The following DENND1C variants were observed in gnomAD, a reference collection of about 807,000 sequenced individuals.
DENND1C encodes the protein DENN domain containing 1C.
DENND1C carries 64 observed loss-of-function variants against 87.9 expected under a neutral mutation model. The ratio of observed to expected loss-of-function variants is 0.73; its 90% CI spans 0.60 to 0.90. The LOEUF (loss-of-function observed/expected upper bound fraction) is 0.90. DENND1C is among the 40% of genes least tolerant of loss of function. The pLI, the probability that DENND1C is intolerant of heterozygous loss-of-function variation, is 0.00. For synonymous variants in DENND1C, 384 were observed against 424.4 expected, an observed-to-expected ratio of 0.90 and a Z score of 1.17; for missense variants, 980 against 1,037.0, an observed-to-expected ratio of 0.95 and a Z score of 0.76.
At position 6,477,103 on chromosome 19, in the gene DENND1C, A is replaced by C; in HGVS notation, c.538T>G (p.Ser180Ala). The change falls in exon 9 of 23, where the codon TCC (serine) becomes GCC (alanine). Residue 180 changes from serine to alanine, a missense_variant. Ser to Ala is a moderately conservative substitution (Grantham distance 99). Transcript: ENST00000381480. The stretch of plus-strand genomic sequence containing the variant: ...TCAGGGATGGATGGCAGGCGGCCGG[A>C]GTCCGGGGCCACGAAGCAGGAAAGC... ...KPLSCFVAPDSGRLPSIPENR... is the reference protein window; with the variant it reads ...KPLSCFVAPDAGRLPSIPENR... 1.2e-6 allele frequency: 2 copies of C among 1,605,654 alleles called. No individual in the cohort carries two copies. The highest frequency in any genetic ancestry group is 1.7e-6 in the Non-Finnish European group (2 of 1,175,958).
Position 6,477,210 on chromosome 19 carries a change from C to G in DENND1C, c.513+8G>C. 2.5e-6 allele frequency: 4 copies of G among 1,588,656 alleles called. No individual in the cohort carries two copies. The highest frequency in any genetic ancestry group is 3.4e-6 in the Non-Finnish European group (4 of 1,167,886). On this transcript the variant is annotated splice_region_variant and intron_variant, in intron 8 of 22. Transcript: ENST00000381480. ...CCCGACCTTCCAGGGTCCCCGAGCC[C>G]CGCTCACCGGCTTGCTATTCCCCCG...
intron 12 of DENND1C, 36 bp from the exon 13 acceptor site, chr19:6,475,621 G>T: frequency 6.2e-7 from 1 of 1,613,884 alleles, no homozygotes; most frequent in East Asian, 2.2e-5. Flanking sequence ...CAGAGCCCGG[G>T]AGTCCTTGGC....
At chr19:6,481,392 G>C (rs1913555678) in intron 1 of DENND1C, among the ~76,000 whole-genome samples, 1 of 151,794 alleles carries the variant, frequency 6.6e-6, no homozygotes, top group South Asian at 2.1e-4. Context: ...CCATCACTCA[G>C]ACATACCAAG....
rs1337190200 is a variant in DENND1C at position 6,471,502 on chromosome 19, G to T, written c.1159-6C>A. ...TCCAGCCGGGCTTCGATGAACTGGG[G>T]TGGGGGACAGTAAATCAGAAACAGC... On this transcript the variant is annotated splice_region_variant and splice_polypyrimidine_tract_variant and intron_variant, in intron 15 of 22. Coordinates refer to ENST00000381480, the MANE Select transcript of DENND1C (RefSeq NM_024898.4). The T allele has an allele frequency of 1.3e-6, 2 of 1,542,154 alleles. No homozygotes were observed. The highest frequency in any genetic ancestry group is 1.4e-5 in the African/African-American group (1 of 72,914).
Position 6,467,848 on chromosome 19 carries a change from T to C in DENND1C, c.2062A>G (p.Lys688Glu). ...PLILHLTPSH[K>E]AAEDSTAQEN... Reference sequence around the variant, plus strand: ...TGGGCTGTAGAATCTTCAGCTGCCTTGTGGGAAGGGGTGAGATGAAGAATT... The same window carrying C: ...TGGGCTGTAGAATCTTCAGCTGCCTCGTGGGAAGGGGTGAGATGAAGAATT... The change falls in exon 23 of 23, where the codon AAG (lysine) becomes GAG (glutamate). Residue 688 changes from lysine to glutamate, a missense_variant. Coordinates refer to ENST00000381480, the MANE Select transcript of DENND1C (RefSeq NM_024898.4). The C allele has an allele frequency of 6.3e-7, 1 of 1,587,198 alleles. No individual in the cohort carries two copies. Among genetic ancestry groups the C allele is most frequent in the Non-Finnish European group, 8.6e-7 (1 of 1,166,436 alleles).
In DENND1C at chr19:6,480,610, CT is replaced by C. The variant is rs533638625; in HGVS notation, c.18-560del. ...TCTATCTATCTATCTATCTATCTAT[CT>C]ATCTATTTTTTTGAGATGGAGTTTT... is the stretch of plus-strand genomic sequence containing the variant. On this transcript the variant is annotated intron_variant, in intron 1 of 22. Coordinates refer to ENST00000381480, the MANE Select transcript of DENND1C (RefSeq NM_024898.4). The C allele has an allele frequency of 1.3e-5, 4 of 310,986 alleles. No homozygotes were observed. The African/African-American group carries it at 1.3e-4, about 10-fold the overall frequency. 19.3% of individuals were successfully genotyped at this position (310,986 alleles called of 1,614,324 possible).
Position 6,468,403 on chromosome 19 carries a change from C to A in DENND1C, c.1622G>T (p.Trp541Leu). 9 of 1,613,724 alleles carry A rather than the reference C, an allele frequency of 5.6e-6. No homozygotes were observed. The highest frequency in any genetic ancestry group is 7.6e-6 in the Non-Finnish European group (9 of 1,179,808). The change falls in exon 22 of 23, where the codon TGG becomes TTG. Residue 541 changes from tryptophan to leucine, a missense_variant. Coordinates refer to ENST00000381480, the MANE Select transcript of DENND1C (RefSeq NM_024898.4). ...GCTGCTGTCCAGAGCTTCTTCTGCC[C>A]ACGGGCACCCCTCATCCTCAGGGCT... is the stretch of plus-strand genomic sequence containing the variant. Reference protein sequence around the residue: ...PLSPEDEGCPWAEEALDSSFL... With the variant: ...PLSPEDEGCPLAEEALDSSFL...
Position 6,481,720 on chromosome 19 carries a change from G to C in DENND1C, c.-25C>G. ...TGGTCCCTGCAGGGCCAGCCCAGCG[G>C]GGCCCTCTCCCCAGGGGTCCTGGGG... On this transcript the variant is annotated 5_prime_UTR_variant, in exon 1 of 23. Transcript: ENST00000381480. 6.4e-7 allele frequency: 1 copy of C among 1,562,844 alleles called. No individual in the cohort carries two copies. The highest frequency in any genetic ancestry group is 1.2e-5 in the South Asian group (1 of 84,144).
At chr19:6,472,233 C>A (rs186629989) in intron 15 of DENND1C, among the ~76,000 whole-genome samples, 1 of 128,612 alleles carries the variant, frequency 7.8e-6, no homozygotes, top group East Asian at 2.6e-4. Context: ...ACAGTCAGGA[C>A]CCATCCCCTC....
At chr19:6,479,575 G>T in intron 4 of DENND1C, 94 bp downstream of exon 4, 1 of 1,518,310 alleles carries the variant, frequency 6.6e-7, no homozygotes, top group Non-Finnish European at 9.1e-7. Flanking sequence ...CGAGTGTATG[G>T]GTTTCCAGAT....
intron 10 of DENND1C, 144 bp downstream of exon 10, chr19:6,476,713 C>T (rs1460162429): frequency 3.6e-6 from 3 of 831,652 alleles, no homozygotes; most frequent in East Asian, 5.4e-5. Context: ...GTTCAACTCT[C>T]CAAGACCTTC....
intron 20 of DENND1C, 83 bp from the exon 21 acceptor site, chr19:6,468,728 T>G: frequency 7.3e-7 from 1 of 1,370,592 alleles, no homozygotes; most frequent in South Asian, 1.5e-5. Flanking sequence ...GAGTGTGAAG[T>G]GGGTGCCACA....
In DENND1C at chr19:6,479,046, TG is replaced by T; in HGVS notation, c.186del (p.Ser63AlafsTer49). ...AAGGTGAAATGCTGCACGGCGGGGC[TG>T]GGGGGCTCCCTGGAGTGGGAAGGGC... ...CFPFDVEREPPSPAVQHFTFA... is the reference protein window; with the variant it reads ...CFPFDVEREPXSPAVQHFTFA... On this transcript the variant is annotated frameshift_variant, in exon 5 of 23. Coordinates refer to ENST00000381480, the MANE Select transcript of DENND1C (RefSeq NM_024898.4). LOFTEE classifies it high-confidence loss of function. The T allele has an allele frequency of 6.2e-7, 1 of 1,613,806 alleles. No individual in the cohort carries two copies. Among genetic ancestry groups the T allele is most frequent in the Non-Finnish European group, 8.5e-7 (1 of 1,179,828 alleles).
intron 6 of DENND1C, among the ~76,000 whole-genome samples, chr19:6,478,579 G>A (rs941828451): frequency 5.9e-5 from 9 of 152,094 alleles, no homozygotes; most frequent in South Asian, 2.1e-4. Context: ...ATTTTGTAGA[G>A]ACGGGGGTCT....
chr19:6,470,329 T>A lies in DENND1C; in HGVS notation c.1328A>T (p.Lys443Met), dbSNP rs2092820480. The change falls in exon 18 of 23, where the codon AAG (lysine) becomes ATG (methionine). Residue 443 changes from lysine to methionine, a missense_variant. Physicochemically the swap from Lys to Met is moderately conservative, Grantham distance 95. Transcript: ENST00000381480. ...GGALLHSVKA[K>M]TQPAVKNMYR... The stretch of plus-strand genomic sequence containing the variant: ...CATGTTCTTGACGGCTGGTTGGGTC[T>A]TGGCCTTGACTGAGTGCAGGAGGGC... 1 of 1,612,536 alleles carries A rather than the reference T, an allele frequency of 6.2e-7. No homozygotes were observed. Among genetic ancestry groups the A allele is most frequent in the Non-Finnish European group, 8.5e-7 (1 of 1,179,464 alleles).
intron 12 of DENND1C, 40 bp from the exon 13 acceptor site, chr19:6,475,625 C>T (rs377386140): frequency 1.2e-6 from 2 of 1,613,714 alleles, no homozygotes; most frequent in Non-Finnish European, 1.7e-6. Context: ...GCCCGGGAGT[C>T]CTTGGCAGAG....
intron 14 of DENND1C, among the ~76,000 whole-genome samples, chr19:6,473,302 G>A (rs899425441): frequency 1.3e-5 from 2 of 151,310 alleles, no homozygotes; most frequent in Admixed American, 6.6e-5. Flanking sequence ...CTACAGGCAC[G>A]TGCCACCATG....
chr19:6,478,571 T>G (rs2092876959), intron 6 of DENND1C, among the ~76,000 whole-genome samples: 1 of 152,012 alleles, frequency 6.6e-6, no homozygotes, highest in South Asian at 2.1e-4. Flanking sequence ...TTTTTTATAT[T>G]TTGTAGAGAC....
In DENND1C at chr19:6,475,840, C is replaced by T; in HGVS notation, c.776G>A (p.Cys259Tyr). 6.5e-7 allele frequency: 1 copy of T among 1,538,002 alleles called. No homozygotes were observed. Among genetic ancestry groups the T allele is most frequent in the Non-Finnish European group, 8.7e-7 (1 of 1,144,190 alleles). Residue 259 changes from cysteine (C) to tyrosine (Y), a missense_variant, in exon 11 of 23, where the codon TGC becomes TAC. By Grantham distance (194) the Cys-to-Tyr change is radical (BLOSUM62 -2). Coordinates refer to ENST00000381480, the MANE Select transcript of DENND1C (RefSeq NM_024898.4). ...PTLPPHLLDYCCAPMPYLIGV... is the reference protein window; with the variant it reads ...PTLPPHLLDYYCAPMPYLIGV... Reference sequence around the variant, plus strand: ...CCTCCCAGCTGCCCTCGCTCACCAGCAGTAGTCCAGCAGGTGTGGGGGCAG... The same window carrying T: ...CCTCCCAGCTGCCCTCGCTCACCAGTAGTAGTCCAGCAGGTGTGGGGGCAG...
Sources: gnomAD v4.1 joint callset for allele counts (sites outside exome capture counted in the v4.1 genomes callset) on GRCh38, gnomAD v4.1.1 for gene constraint, MANE v1.5 for transcripts, NCBI Gene and HGNC (gene_info 2026-07-23, HGNC 2026-07-21) for gene names.